Variants in LRP1 observed in about 807,000 individuals in gnomAD.
LRP1 encodes the protein prolow-density lipoprotein receptor-related protein 1.
LRP1 carries 51 observed loss-of-function variants against 541.5 expected under a neutral mutation model. The ratio of observed to expected loss-of-function variants is 0.09; its 90% CI spans 0.08 to 0.12. LRP1 has a LOEUF of 0.12. Ranked by LOEUF, LRP1 falls within the 10% of genes least tolerant of loss-of-function variation. The pLI is 1.00. For synonymous variants in LRP1, 2,219 were observed against 2,470.8 expected, an observed-to-expected ratio of 0.90 and a Z score of 3.02; for missense variants, 3,878 against 6,376.2, an observed-to-expected ratio of 0.61 and a Z score of 13.34.
chr12:57,128,909 G>C lies in LRP1; in HGVS notation c.-56G>C, dbSNP rs1042648758. On this transcript the variant is annotated 5_prime_UTR_variant, in exon 1 of 89. Transcript: ENST00000243077. The stretch of plus-strand genomic sequence containing the variant: ...GGACCCCCCAACTGGGGGGGGTGAA[G>C]GAGAGAAGTAGCAGGACCAGAGGGG... 63 of 1,457,672 alleles carry C rather than the reference G, an allele frequency of 4.3e-5. No homozygotes were observed. Among genetic ancestry groups the C allele is most frequent in the Non-Finnish European group, 5.8e-5 (62 of 1,072,896 alleles). 90.3% of individuals were successfully genotyped at this position (1,457,672 alleles called of 1,614,324 possible).
At chr12:57,203,132 G>C (rs1237773937) in intron 68 of LRP1, 49 bp from the exon 69 acceptor site, 2 of 1,336,334 alleles carry the variant, frequency 1.5e-6, no homozygotes, top group East Asian at 5.0e-5. Flanking sequence ...CTGAGGCCTG[G>C]AGTCCTTGTG....
chr12:57,167,948 C>G (rs1335299096), intron 19 of LRP1, among the ~76,000 whole-genome samples: 4 of 152,234 alleles, frequency 2.6e-5, no homozygotes, highest in Non-Finnish European at 1.5e-5. Flanking sequence ...AGCCATGGAC[C>G]AGGTGATGTC....
Position 57,178,328 on chromosome 12 carries a change from G to T in LRP1, c.4362-31G>T. The T allele has an allele frequency of 6.3e-7, 1 of 1,596,080 alleles. No homozygotes were observed. Among genetic ancestry groups the T allele is most frequent in the African/African-American group, 1.3e-5 (1 of 74,856 alleles). On this transcript the variant is annotated intron_variant, in intron 26 of 88. Transcript: ENST00000243077. This position sits in a 1 kb window ranked among gnomAD's most constrained non-coding sequence, Gnocchi z 5.8. ...GCTCTGAGGGCTGAGATCCCAGCTG[G>T]CATCCTCATTCTGCTCCATCATGCT...
chr12:57,202,853 C>T (rs566969943), intron 68 of LRP1: 1 of 568,046 alleles, frequency 1.8e-6, no homozygotes, highest in Non-Finnish European at 3.2e-6. Context: ...TACCCATCAT[C>T]CTTGATTGAC....
At position 57,129,050 on chromosome 12, in the gene LRP1, C is replaced by T; in HGVS notation, c.67+19C>T. On this transcript the variant is annotated intron_variant, in intron 1 of 88. Coordinates refer to ENST00000243077, the MANE Select transcript of LRP1 (RefSeq NM_002332.3). ...ATCGACGGTGAGTGAGATTCCGCGTCCCCCTTGGACCCCTGGGGGCACCCT... is the reference window on the plus strand; with the variant it reads ...ATCGACGGTGAGTGAGATTCCGCGTTCCCCTTGGACCCCTGGGGGCACCCT... 1 of 1,551,186 alleles carries T rather than the reference C, an allele frequency of 6.4e-7. No homozygotes were observed. Among genetic ancestry groups the T allele is most frequent in the East Asian group, 2.4e-5 (1 of 40,890 alleles).
Position 57,198,666 on chromosome 12 carries a change from C to T in LRP1, c.9672C>T (p.His3224=), listed in dbSNP as rs373048474. 61 of 1,607,072 alleles carry T rather than the reference C, an allele frequency of 3.8e-5. No individual in the cohort carries two copies. The highest frequency in any genetic ancestry group is 5.1e-5 in the Non-Finnish European group (60 of 1,177,158). ...EFASLDGSNR[H]VVLSQDIPHI... Reference sequence around the variant, plus strand: ...CCAGCCTGGATGGCTCCAATCGCCACGTTGGTCAGTGTGCCAGTGAGGCTG... The same window carrying T: ...CCAGCCTGGATGGCTCCAATCGCCATGTTGGTCAGTGTGCCAGTGAGGCTG... Residue 3224 remains histidine (H), a synonymous_variant, in exon 60 of 89, where the codon CAC becomes CAT. Coordinates refer to ENST00000243077, the MANE Select transcript of LRP1 (RefSeq NM_002332.3).
chr12:57,128,504 G>C lies in LRP1; in HGVS notation c.-461G>C, dbSNP rs916085522. ...CGGCACTTCAGTCCGGGGAACAGCG[G>C]TGCGAGCTCCAGGCCCATGCACTGA... On this transcript the variant is annotated 5_prime_UTR_variant, in exon 1 of 89. Coordinates refer to ENST00000243077, the MANE Select transcript of LRP1 (RefSeq NM_002332.3). 2.6e-5 allele frequency: 8 copies of C among 307,302 alleles called. No homozygotes were observed. The highest frequency in any genetic ancestry group is 1.8e-4 in the African/African-American group (8 of 45,028). The allele number at this position is 307,302 out of a possible 1,614,324, so 19.0% of individuals were successfully genotyped here.
At position 57,203,395 on chromosome 12, in the gene LRP1, TG is replaced by T. The variant is rs2036699262; in HGVS notation, c.10826del (p.Cys3609SerfsTer174). 1 of 1,607,220 alleles carries T rather than the reference TG, an allele frequency of 6.2e-7. No homozygotes were observed. The highest frequency in any genetic ancestry group is 1.3e-5 in the African/African-American group (1 of 74,818). Reference sequence around the variant, plus strand: ...CCTGTGCCCATGCCCACAGAAAGACTGCACCCCCCGCTGTGACATGGACCAG... The same window carrying T: ...CCTGTGCCCATGCCCACAGAAAGACTCACCCCCCGCTGTGACATGGACCAG... Reference protein sequence around the residue: ...DCADGSDEKDCTPRCDMDQFQ... With the variant: ...DCADGSDEKDXTPRCDMDQFQ... On this transcript the variant is annotated frameshift_variant, in exon 70 of 89. Transcript: ENST00000243077. LOFTEE classifies it high-confidence loss of function.
In LRP1 at chr12:57,205,897, A is replaced by C; in HGVS notation, c.11590+220A>C. On this transcript the variant is annotated intron_variant, in intron 75 of 88. Transcript: ENST00000243077. This position sits in a 1 kb window ranked among gnomAD's most constrained non-coding sequence, Gnocchi z 4.6. ...GAGTCTGGGGTGTGGCAGTGCTCTG[A>C]ATTGCACACACACCTCCTCACCCAC... 1.6e-6 allele frequency: 1 copy of C among 628,032 alleles called. No individual in the cohort carries two copies. Among genetic ancestry groups the C allele is most frequent in the Non-Finnish European group, 2.7e-6 (1 of 366,004 alleles). The allele number at this position is 628,032 out of a possible 1,614,324, so 38.9% of individuals were successfully genotyped here.
intron 79 of LRP1, 97 bp from the exon 80 acceptor site, chr12:57,209,595 T>C (rs1471715211): frequency 1.9e-6 from 2 of 1,040,770 alleles, no homozygotes; most frequent in African/African-American, 3.1e-5. Context: ...TGTGTTGAGT[T>C]TGAGGTGTCT....
At position 57,195,202 on chromosome 12, in the gene LRP1, C is replaced by T. The variant is rs1012408998; in HGVS notation, c.8309-69C>T. The T allele has an allele frequency of 6.3e-6, 10 of 1,596,440 alleles. No individual in the cohort carries two copies. In the Admixed American group the frequency reaches 6.7e-5, roughly 11 times the overall value. Reference sequence around the variant, plus strand: ...GACACCCCTGCAGACGACGGCGAACCATCACCTCCACTGCTAGACCTGATC... The same window carrying T: ...GACACCCCTGCAGACGACGGCGAACTATCACCTCCACTGCTAGACCTGATC... On this transcript the variant is annotated intron_variant, in intron 51 of 88. Coordinates refer to ENST00000243077, the MANE Select transcript of LRP1 (RefSeq NM_002332.3).
Position 57,154,448 on chromosome 12 carries a change from C to T in LRP1, c.1005-31C>T, listed in dbSNP as rs766108916. On this transcript the variant is annotated intron_variant, in intron 7 of 88. Coordinates refer to ENST00000243077, the MANE Select transcript of LRP1 (RefSeq NM_002332.3). This position sits in a 1 kb window ranked among gnomAD's most constrained non-coding sequence, Gnocchi z 4.6. ...AGTGGTAAGGAGGGTGCCCAATGTC[C>T]AGACCCCATTTAACATGCATCTTCC... 6.2e-7 allele frequency: 1 copy of T among 1,609,854 alleles called. No individual in the cohort carries two copies. The highest frequency in any genetic ancestry group is 1.1e-5 in the South Asian group (1 of 90,904).
chr12:57,201,296 C>A lies in LRP1; in HGVS notation c.10345+143C>A. On this transcript the variant is annotated intron_variant, in intron 65 of 88. Coordinates refer to ENST00000243077, the MANE Select transcript of LRP1 (RefSeq NM_002332.3). The surrounding 1 kb of genome is among the most constrained non-coding windows in gnomAD (Gnocchi z 6.4). ...ATTATATTGGGTGTAACTTGCTTTG[C>A]TCATAAAAATCATCATGCATGATAT... is the stretch of plus-strand genomic sequence containing the variant. 2 of 1,409,148 alleles carry A rather than the reference C, an allele frequency of 1.4e-6. No individual in the cohort carries two copies. The highest frequency in any genetic ancestry group is 1.9e-6 in the Non-Finnish European group (2 of 1,032,868). The allele number at this position is 1,409,148 out of a possible 1,614,324, so 87.3% of individuals were successfully genotyped here. A position where few individuals can be genotyped will look rare whatever the true frequency, so the allele number is the denominator to read the frequency against.
intron 18 of LRP1, 105 bp from the exon 19 acceptor site, chr12:57,167,339 G>A (rs1469111915): frequency 3.5e-6 from 3 of 859,158 alleles, no homozygotes; most frequent in Non-Finnish European, 6.0e-6. Flanking sequence ...TTCCTGACTG[G>A]GCTAAGGGCT....
chr12:57,204,723 G>A lies in LRP1; in HGVS notation c.11168G>A (p.Gly3723Glu). 1 of 1,614,092 alleles carries A rather than the reference G, an allele frequency of 6.2e-7. No individual in the cohort carries two copies. Residue 3723 changes from glycine (G) to glutamate (E), a missense_variant, in exon 72 of 89, where the codon GGG (glycine) becomes GAG (glutamate). By Grantham distance (98) the Gly-to-Glu change is moderately conservative (BLOSUM62 -2). This residue lies in a region of LRP1 where 871 missense variants were observed against 1,212.4 expected (regional missense o/e 0.72). Coordinates refer to ENST00000243077, the MANE Select transcript of LRP1 (RefSeq NM_002332.3). This position sits in a 1 kb window ranked among gnomAD's most constrained non-coding sequence, Gnocchi z 5.3. ...GRQCDGTDNC[G>E]DGTDEEDCEP... ...CAATGCGATGGCACGGACAACTGTG[G>A]GGATGGGACTGATGAAGAGGACTGT...
Position 57,185,538 on chromosome 12 carries a change from C to A in LRP1, c.6471C>A (p.Asn2157Lys). 1 of 1,589,104 alleles carries A rather than the reference C, an allele frequency of 6.3e-7. No homozygotes were observed. Among genetic ancestry groups the A allele is most frequent in the Non-Finnish European group, 8.6e-7 (1 of 1,165,106 alleles). The part of the protein sequence containing the change: ...VFNRDRQKGT[N>K]VCAVANGGCQ... The stretch of plus-strand genomic sequence containing the variant: ...TACCCTCCCCTCCCCCAGGCACCAA[C>A]GTGTGCGCGGTGGCCAATGGCGGGT... Residue 2157 changes from asparagine to lysine, a missense_variant, in exon 41 of 89, where the codon AAC (asparagine) becomes AAA (lysine). By Grantham distance (94) the Asn-to-Lys change is moderately conservative (BLOSUM62 0). Coordinates refer to ENST00000243077, the MANE Select transcript of LRP1 (RefSeq NM_002332.3). This position sits in a 1 kb window ranked among gnomAD's most constrained non-coding sequence, Gnocchi z 4.9.
At chr12:57,160,645 C>T (rs2035711221) in intron 12 of LRP1, among the ~76,000 whole-genome samples, 1 of 152,152 alleles carries the variant, frequency 6.6e-6, no homozygotes, top group Non-Finnish European at 1.5e-5. Flanking sequence ...GATGGGAGCT[C>T]CGTGGGAGCA....
chr12:57,211,996 GGT>G lies in LRP1; in HGVS notation c.13329_13330del (p.Trp4443Ter). On this transcript the variant is annotated stop_gained and frameshift_variant, in exon 87 of 89. Coordinates refer to ENST00000243077, the MANE Select transcript of LRP1 (RefSeq NM_002332.3). LOFTEE classifies it high-confidence loss of function. The surrounding 1 kb of genome is among the most constrained non-coding windows in gnomAD (Gnocchi z 4.3). The stretch of plus-strand genomic sequence containing the variant: ...GTTCTGGTGGCCGGAGTGGTATTCT[GGT>G]ATAAGCGGCGAGTCCAAGGGTGAGT... 6.2e-7 allele frequency: 1 copy of G among 1,614,106 alleles called. No individual in the cohort carries two copies. Among genetic ancestry groups the G allele is most frequent in the Non-Finnish European group, 8.5e-7 (1 of 1,180,016 alleles).
At chr12:57,207,530 CAAAAAAAA>C (rs11336238) in intron 76 of LRP1, among the ~76,000 whole-genome samples, 2 of 135,366 alleles carry the variant, frequency 1.5e-5, no homozygotes, top group Non-Finnish European at 3.2e-5. Flanking sequence ...GACTCCGTCT[CAAAAAAAA>C]AAAAAAGAAA....
Sources: gnomAD v4.1 joint callset for allele counts (sites outside exome capture counted in the v4.1 genomes callset) on GRCh38, gnomAD v4.1.1 for gene constraint, gnomAD v4.1.1 regional missense constraint, Gnocchi (gnomAD v3.1) non-coding constraint, MANE v1.5 for transcripts, NCBI Gene and HGNC (gene_info 2026-07-23, HGNC 2026-07-21) for gene names.